Variants in CSMD1 observed in about 807,000 individuals in gnomAD.
The protein encoded by CSMD1 is CUB and sushi domain-containing protein 1.
Under a neutral mutation model 417.5 loss-of-function variants are expected in CSMD1, and 213 were observed. The observed-to-expected ratio is 0.51, with a 90% CI of 0.46 to 0.57. The LOEUF is 0.57. CSMD1 is among the 20% of genes least tolerant of loss of function. The pLI is 0.00. For missense variants in CSMD1, 6,923 were observed against 4,529.7 expected (o/e 1.53, Z -15.17); for synonymous variants, 2,862 against 1,736.8 (o/e 1.65, Z -16.11).
At chr8:3,949,518 G>A (rs1047120518) in intron 5 of CSMD1, among the ~76,000 whole-genome samples, 6 of 152,186 alleles carry the variant, frequency 3.9e-5, no homozygotes, top group African/African-American at 1.2e-4. Context: ...CAGGAGCAAA[G>A]AGAGAAGCTA....
At chr8:4,890,003 C>T (rs1223958757) in intron 1 of CSMD1, among the ~76,000 whole-genome samples, 1 of 152,094 alleles carries the variant, frequency 6.6e-6, no homozygotes, top group East Asian at 1.9e-4. Context: ...CTTCAGGTAT[C>T]TTACCTAATA....
At chr8:4,175,105 C>G (rs1797971056) in intron 3 of CSMD1, among the ~76,000 whole-genome samples, 1 of 151,834 alleles carries the variant, frequency 6.6e-6, no homozygotes, top group Non-Finnish European at 1.5e-5. Context: ...CAAATTTCTG[C>G]CAAGAATAAT....
intron 12 of CSMD1, among the ~76,000 whole-genome samples, chr8:3,436,048 A>G (rs1814537600): frequency 6.6e-6 from 1 of 152,106 alleles, no homozygotes; most frequent in Non-Finnish European, 1.5e-5. Flanking sequence ...TCCCTTCACC[A>G]GCACTCCCTT....
intron 2 of CSMD1, among the ~76,000 whole-genome samples, chr8:4,472,460 A>G (rs1800590732): frequency 6.6e-6 from 1 of 152,158 alleles, no homozygotes; most frequent in Non-Finnish European, 1.5e-5. Context: ...AGGTAATAAC[A>G]GATGAATAAA....
At chr8:4,371,969 C>T (rs892196232) in intron 3 of CSMD1, among the ~76,000 whole-genome samples, 2 of 152,106 alleles carry the variant, frequency 1.3e-5, no homozygotes, top group African/African-American at 4.8e-5. Context: ...AAACTCATTG[C>T]CGTGATGGAA....
intron 7 of CSMD1, among the ~76,000 whole-genome samples, chr8:3,650,531 G>C (rs934760648): frequency 6.6e-6 from 1 of 152,042 alleles, no homozygotes; most frequent in Non-Finnish European, 1.5e-5. Flanking sequence ...CTCTACTCAG[G>C]CTCCTTTCCT....
chr8:4,153,858 T>A (rs1193971502), intron 3 of CSMD1, among the ~76,000 whole-genome samples: 3 of 152,262 alleles, frequency 2.0e-5, no homozygotes, highest in Non-Finnish European at 4.4e-5. Flanking sequence ...CGTAGCTATG[T>A]GGCTTTCCTG....
At chr8:3,260,269 A>T (rs1242480728) in intron 26 of CSMD1, among the ~76,000 whole-genome samples, 3 of 152,108 alleles carry the variant, frequency 2.0e-5, no homozygotes, top group Non-Finnish European at 2.9e-5. Flanking sequence ...TCAGGGTGAG[A>T]TCCTCGCCCA....
At chr8:4,353,584 T>A (rs976368832) in intron 3 of CSMD1, among the ~76,000 whole-genome samples, 1 of 151,928 alleles carries the variant, frequency 6.6e-6, no homozygotes. Context: ...CAAAGTAGCA[T>A]ATCCTGAAGC....
At chr8:3,591,025 T>C (rs2469367) in intron 8 of CSMD1, among the ~76,000 whole-genome samples, 77,638 of 151,998 alleles carry the variant, frequency 0.51, 20,574 homozygotes, top group Non-Finnish European at 0.58. Flanking sequence ...AGAGGAAAAT[T>C]CCAGGAGAAA....
At chr8:2,998,804 T>A (rs991522540) in intron 53 of CSMD1, among the ~76,000 whole-genome samples, 4 of 151,996 alleles carry the variant, frequency 2.6e-5, no homozygotes, top group African/African-American at 9.7e-5. Flanking sequence ...ATATCCATCA[T>A]TCACCCTTTC....
At chr8:3,325,749 G>A (rs953843088) in intron 23 of CSMD1, among the ~76,000 whole-genome samples, 3 of 152,100 alleles carry the variant, frequency 2.0e-5, no homozygotes, top group African/African-American at 4.8e-5. Flanking sequence ...GCTTGAACCC[G>A]GGAGGCAGAG....
At chr8:3,213,388 A>G (rs534246323) in intron 30 of CSMD1, among the ~76,000 whole-genome samples, 1 of 152,236 alleles carries the variant, frequency 6.6e-6, no homozygotes, top group African/African-American at 2.4e-5. Flanking sequence ...TTGCCTATAG[A>G]GACCCCCATG....
intron 21 of CSMD1, among the ~76,000 whole-genome samples, chr8:3,357,799 G>A (rs1463568633): frequency 6.6e-6 from 1 of 151,954 alleles, no homozygotes; most frequent in Non-Finnish European, 1.5e-5. Flanking sequence ...GTCAAAATTT[G>A]CCTTCCATTC....
intron 5 of CSMD1, among the ~76,000 whole-genome samples, chr8:3,887,413 G>C (rs1806640093): frequency 1.3e-5 from 2 of 152,148 alleles, no homozygotes; most frequent in African/African-American, 4.8e-5. Context: ...TACTCTGTCT[G>C]AAATGTATGG....
At chr8:3,654,954 G>T (rs1798030568) in intron 7 of CSMD1, among the ~76,000 whole-genome samples, 1 of 152,202 alleles carries the variant, frequency 6.6e-6, no homozygotes, top group Non-Finnish European at 1.5e-5. Context: ...GCTTTTTGGA[G>T]CCTGATGCAT....
rs141616954 is a variant in CSMD1, at chr8:4,571,330, T to G, written c.302+66012A>C. 7.1e-3 allele frequency among the ~76,000 whole-genome samples: 1,086 copies of G among 152,356 alleles called. 7 individuals carry two copies. Among genetic ancestry groups the G allele is most frequent in the Non-Finnish European group, 0.012 (794 of 68,040 alleles). ...TGCTTTAGCCGTGTCCCAGAGATTC[T>G]GGTACATTGTGTCTTTGTTCTCACT... On this transcript the variant is annotated intron_variant, in intron 2 of 69. Coordinates refer to ENST00000635120, the MANE Select transcript of CSMD1 (RefSeq NM_033225.6).
At chr8:4,007,417 T>A (rs886981839) in intron 4 of CSMD1, among the ~76,000 whole-genome samples, 1 of 152,164 alleles carries the variant, frequency 6.6e-6, no homozygotes, top group African/African-American at 2.4e-5. Context: ...CCTAAGGCCT[T>A]TGCAATGACC....
At chr8:4,617,451 G>C (rs1276321997) in intron 2 of CSMD1, among the ~76,000 whole-genome samples, 1 of 152,086 alleles carries the variant, frequency 6.6e-6, no homozygotes, top group African/African-American at 2.4e-5. Context: ...TTTTGGTAAG[G>C]CAAATGCCTT....
Sources: gnomAD v4.1 joint callset for allele counts (sites outside exome capture counted in the v4.1 genomes callset) on GRCh38, gnomAD v4.1.1 for gene constraint, MANE v1.5 for transcripts, NCBI Gene and HGNC (gene_info 2026-07-23, HGNC 2026-07-21) for gene names.